The following LRRC4B variants were observed in gnomAD, a reference collection of about 807,000 sequenced individuals.
LRRC4B encodes leucine rich repeat containing 4B, also known as leucine-rich repeat-containing protein 4B.
Under a neutral mutation model 7.3 loss-of-function variants are expected in LRRC4B, and 1 was observed. The observed-to-expected ratio is 0.14, with a 90% CI of 0.05 to 0.65. The LOEUF is 0.65. LRRC4B is among the 30% of genes least tolerant of loss of function. The pLI is 0.84. For synonymous variants in LRRC4B, 500 were observed against 499.2 expected (o/e 1.00, Z -0.02); for missense variants, 730 against 1,041.6 (o/e 0.70, Z 4.12).
intron 1 of LRRC4B, among the ~76,000 whole-genome samples, chr19:50,552,683 T>TCCACCCATCCGTCCATCCATCCAC (rs55739228): frequency 1.6e-5 from 2 of 121,354 alleles, no homozygotes; most frequent in African/African-American, 7.2e-5. Flanking sequence ...CATCCATCCA[T>TCCACCCATCCGTCCATCCATCCAC]CCATCCGTCC....
chr19:50,527,078 G>A (rs1203189117), intron 2 of LRRC4B, among the ~76,000 whole-genome samples: 4 of 149,594 alleles, frequency 2.7e-5, no homozygotes, highest in Non-Finnish European at 5.9e-5. Context: ...TGTCACCCAG[G>A]CTGGAGTGCA....
rs1982182846 is a variant in LRRC4B at position 50,553,842 on chromosome 19, C to G, written c.-35-4969G>C. 6.6e-6 allele frequency among the ~76,000 whole-genome samples: 1 copy of G among 151,992 alleles called. No homozygotes were observed. Among genetic ancestry groups the G allele is most frequent in the South Asian group, 2.1e-4 (1 of 4,816 alleles). On this transcript the variant is annotated intron_variant, in intron 1 of 2. Coordinates refer to ENST00000652263, the MANE Select transcript of LRRC4B (RefSeq NM_001080457.2). The surrounding 1 kb of genome is among the most constrained non-coding windows in gnomAD (Gnocchi z 4.2). ...TCATCACTGTGAGTCTATTTCCCCCCACGCTCACACACAGATACCCCCACT... is the reference window on the plus strand; with the variant it reads ...TCATCACTGTGAGTCTATTTCCCCCGACGCTCACACACAGATACCCCCACT...
In LRRC4B at chr19:50,518,301, G is replaced by T. The variant is rs781734948; in HGVS notation, c.1412C>A (p.Pro471His). 3 of 1,602,206 alleles carry T rather than the reference G, an allele frequency of 1.9e-6. No homozygotes were observed. The Admixed American group carries it at 5.1e-5, about 27-fold the overall frequency. The change falls in exon 3 of 3, where the codon CCT becomes CAT. Residue 471 changes from proline (P) to histidine (H), a missense_variant. Physicochemically the swap from Pro to His is moderately conservative, Grantham distance 77. Around this residue, in one of 6 missense-constraint regions of LRRC4B, gnomAD observed 192 missense variants for 228.6 expected, o/e 0.84. Transcript: ENST00000652263. ...AGGTGSGGGG[P>H]GGSGGVGGGS... ...CCCTCCAACACCACCACTGCCCCCA[G>T]GGCCGCCCCCGCCGCTGCCGGTGCC...
rs373980508 is a variant in LRRC4B, at chr19:50,518,081, G to A, written c.1632C>T (p.Arg544=). ...ASSSTTAPAP[R]SSRPTEKAFT... ...ACGCCTTCTCCGTGGGCCGCGAGGA[G>A]CGCGGGGCGGGTGCCGTGGTAGAAG... The change falls in exon 3 of 3, where the codon CGC becomes CGT. Residue 544 remains arginine (R), a synonymous_variant. Transcript: ENST00000652263. 1.8e-5 allele frequency: 28 copies of A among 1,595,600 alleles called. No individual in the cohort carries two copies. In the African/African-American group the frequency reaches 3.2e-4, roughly 19 times the overall value.
rs1357671547 is a variant in LRRC4B at position 50,568,314 on chromosome 19, C to G, written c.-406G>C. On this transcript the variant is annotated 5_prime_UTR_variant, in exon 1 of 3. Coordinates refer to ENST00000652263, the MANE Select transcript of LRRC4B (RefSeq NM_001080457.2). ...TTCCTTCCTCCCTCCTCGGGCCCGCCGGCGCCGCTCTCCCCCCACCCCACC... is the reference window on the plus strand; with the variant it reads ...TTCCTTCCTCCCTCCTCGGGCCCGCGGGCGCCGCTCTCCCCCCACCCCACC... 2.0e-5 allele frequency among the ~76,000 whole-genome samples: 3 copies of G among 150,936 alleles called. No individual in the cohort carries two copies. The highest frequency in any genetic ancestry group is 4.4e-5 in the Non-Finnish European group (3 of 67,612).
chr19:50,543,630 T>C (rs1393675172), intron 2 of LRRC4B, among the ~76,000 whole-genome samples: 1 of 151,446 alleles, frequency 6.6e-6, no homozygotes, highest in East Asian at 1.9e-4. Flanking sequence ...GGTGGGCGGA[T>C]CCCTTGAGGC....
intron 2 of LRRC4B, among the ~76,000 whole-genome samples, chr19:50,531,839 C>T (rs1158800759): frequency 6.6e-6 from 1 of 152,136 alleles, no homozygotes; most frequent in Non-Finnish European, 1.5e-5. Context: ...AGACAGTGAG[C>T]GCTTGGGATG....
chr19:50,549,064 C>T (rs956865446), intron 1 of LRRC4B, among the ~76,000 whole-genome samples, 191 bp from the exon 2 acceptor site: 5 of 152,152 alleles, frequency 3.3e-5, no homozygotes, highest in Admixed American at 6.5e-5. Context: ...AAGCTTGGCC[C>T]GCCTGGCCCT....
At chr19:50,522,578 G>C (rs1050463691) in intron 2 of LRRC4B, among the ~76,000 whole-genome samples, 5 of 152,118 alleles carry the variant, frequency 3.3e-5, no homozygotes, top group African/African-American at 1.2e-4. Context: ...CCGGGTTCAA[G>C]TGATTCTCCT....
At chr19:50,543,337 TGTG>T (rs1981640317) in intron 2 of LRRC4B, among the ~76,000 whole-genome samples, 1 of 142,432 alleles carries the variant, frequency 7.0e-6, no homozygotes, top group Non-Finnish European at 1.5e-5. Flanking sequence ...CAGGCCCTGG[TGTG>T]TGTGTGTGTG....
intron 1 of LRRC4B, among the ~76,000 whole-genome samples, chr19:50,562,953 T>G (rs1333284644): frequency 1.3e-5 from 2 of 152,050 alleles, no homozygotes; most frequent in Non-Finnish European, 2.9e-5. Context: ...TTGGCCAGGC[T>G]GGTCTCAAAC....
At chr19:50,529,697 C>A (rs1045939191) in intron 2 of LRRC4B, among the ~76,000 whole-genome samples, 4 of 152,084 alleles carry the variant, frequency 2.6e-5, no homozygotes, top group Non-Finnish European at 5.9e-5. Flanking sequence ...CCCAGCTACT[C>A]AGGAGCCTGA....
chr19:50,548,431 G>T lies in LRRC4B; in HGVS notation c.297+111C>A, dbSNP rs557674317. The T allele has an allele frequency of 4.4e-5, 62 of 1,410,916 alleles. No homozygotes were observed. In the African/African-American group the frequency reaches 5.2e-4, roughly 12 times the overall value. 87.4% of individuals were successfully genotyped at this position (1,410,916 alleles called of 1,614,324 possible). On this transcript the variant is annotated intron_variant, in intron 2 of 2. Transcript: ENST00000652263. This position sits in a 1 kb window ranked among gnomAD's most constrained non-coding sequence, Gnocchi z 6.8. ...AGACCCGCAGGCCACATCCACAGGT[G>T]CCGGAGACGGGGAAGCCCCGGTGTG...
intron 2 of LRRC4B, among the ~76,000 whole-genome samples, chr19:50,521,811 T>G (rs1980591368): frequency 6.6e-6 from 1 of 150,666 alleles, no homozygotes; most frequent in African/African-American, 2.4e-5. Context: ...CTGCCTGCCT[T>G]GGCCTCCCAA....
intron 2 of LRRC4B, among the ~76,000 whole-genome samples, chr19:50,524,358 G>A (rs747900724): frequency 3.9e-5 from 6 of 152,132 alleles, no homozygotes; most frequent in Non-Finnish European, 7.4e-5. Context: ...TGATCTGCTC[G>A]CCTCAGCCTC....
chr19:50,565,257 C>T (rs1469938284), intron 1 of LRRC4B, among the ~76,000 whole-genome samples: 1 of 152,230 alleles, frequency 6.6e-6, no homozygotes, highest in Non-Finnish European at 1.5e-5. Context: ...CTGGGGCCAC[C>T]TCCGTGCCTT....
chr19:50,549,953 C>G (rs1006160540), intron 1 of LRRC4B, among the ~76,000 whole-genome samples: 1 of 152,134 alleles, frequency 6.6e-6, no homozygotes. Flanking sequence ...TGAGAAGTCA[C>G]GCTGTACCTC....
rs1980453676 is a variant in LRRC4B at position 50,519,393 on chromosome 19, T to C, written c.320A>G (p.Lys107Arg). The C allele has an allele frequency of 8.1e-6, 13 of 1,603,782 alleles. No homozygotes were observed. Among genetic ancestry groups the C allele is most frequent in the Non-Finnish European group, 1.1e-5 (13 of 1,178,006 alleles). ...GIQVIRTDTFKHLRHLEILQL... is the reference protein window; with the variant it reads ...GIQVIRTDTFRHLRHLEILQL... ...CAGAATCTCCAGGTGCCGCAGGTGC[T>C]TGAACGTGTCCGTCCGGATCACCTG... Residue 107 changes from lysine (K) to arginine (R), a missense_variant, in exon 3 of 3, where the codon AAG (lysine) becomes AGG (arginine). Transcript: ENST00000652263. This position sits in a 1 kb window ranked among gnomAD's most constrained non-coding sequence, Gnocchi z 8.1.
At chr19:50,523,949 ACT>A (rs1475198380) in intron 2 of LRRC4B, among the ~76,000 whole-genome samples, 10 of 150,140 alleles carry the variant, frequency 6.7e-5, no homozygotes, top group Non-Finnish European at 8.9e-5. Flanking sequence ...ACAGAGTGAG[ACT>A]CTGTCTAAAA....
Sources: allele counts gnomAD v4.1 joint callset (sites outside exome capture counted in the v4.1 genomes callset), GRCh38; gene constraint gnomAD v4.1.1; regional missense constraint gnomAD v4.1.1; non-coding constraint Gnocchi (gnomAD v3.1); transcripts MANE v1.5; gene names NCBI Gene and HGNC (gene_info 2026-07-23, HGNC 2026-07-21).